MNAT1: variants seen among roughly 807,000 people sequenced by gnomAD.
The protein encoded by MNAT1 is MNAT1 component of CDK activating kinase, also known as CDK-activating kinase assembly factor MAT1.
Under a neutral mutation model 42.0 loss-of-function variants are expected in MNAT1, and 43 were observed. The observed-to-expected ratio is 1.02, with a 90% CI of 0.80 to 1.32. The LOEUF (loss-of-function observed/expected upper bound fraction) is 1.32. MNAT1 is among the 40% of genes most tolerant of loss of function. The probability of loss-of-function intolerance (pLI) is 0.00; values close to 1 mark genes in which losing one functional copy is unlikely to be tolerated. For missense variants in MNAT1, 306 were observed against 350.4 expected, an observed-to-expected ratio of 0.87 and a Z score of 1.01; for synonymous variants, 118 against 120.0, an observed-to-expected ratio of 0.98 and a Z score of 0.11.
intron 1 of MNAT1, among the ~76,000 whole-genome samples, chr14:60,781,898 A>T (rs2031473347): frequency 6.8e-6 from 1 of 147,532 alleles, no homozygotes; most frequent in South Asian, 2.1e-4. Context: ...TTCCACATTG[A>T]TTTGTAATAC....
intron 7 of MNAT1, among the ~76,000 whole-genome samples, chr14:60,904,537 A>G (rs1254898582): frequency 1.3e-5 from 2 of 152,148 alleles, no homozygotes; most frequent in African/African-American, 4.8e-5. Context: ...CAGTTGTCAA[A>G]CAATCTTCTT....
At chr14:60,914,016 G>C (rs982555518) in intron 7 of MNAT1, among the ~76,000 whole-genome samples, 4 of 152,194 alleles carry the variant, frequency 2.6e-5, no homozygotes, top group Admixed American at 2.6e-4. Context: ...ACTCAAGCCT[G>C]AGCAATGGCA....
intron 4 of MNAT1, among the ~76,000 whole-genome samples, chr14:60,810,903 C>G (rs2032521861): frequency 6.6e-6 from 1 of 152,274 alleles, no homozygotes; most frequent in African/African-American, 2.4e-5. Flanking sequence ...TTTAAGACTC[C>G]TATTTCCTTA....
intron 3 of MNAT1, among the ~76,000 whole-genome samples, chr14:60,807,464 A>G (rs913232757): frequency 7.2e-5 from 11 of 152,186 alleles, no homozygotes; most frequent in African/African-American, 2.7e-4. Flanking sequence ...TAATGGATGT[A>G]GAAAGATTAC....
At chr14:60,898,274 CT>C (rs1174555991) in intron 7 of MNAT1, among the ~76,000 whole-genome samples, 1 of 151,874 alleles carries the variant, frequency 6.6e-6, no homozygotes, top group Admixed American at 6.6e-5. Flanking sequence ...ATTTCTTTTC[CT>C]TTGGTTAGAT....
At position 60,747,283 on chromosome 14, in the gene MNAT1, C is replaced by G. The variant is rs983803095; in HGVS notation, c.89+12332C>G. Among the ~76,000 whole-genome samples the G allele has an allele frequency of 2.0e-5, 3 of 152,076 alleles. 1 individual carries two copies. ...ACAGGCGTGAGCCAATGCGCCCTGC[C>G]CAAAATTATGTCTTAATGATGGGTA... On this transcript the variant is annotated intron_variant, in intron 1 of 7. Transcript: ENST00000261245.
intron 6 of MNAT1, among the ~76,000 whole-genome samples, chr14:60,868,665 G>A (rs904119438): frequency 5.3e-5 from 8 of 152,090 alleles, no homozygotes; most frequent in African/African-American, 1.9e-4. Context: ...TCAGTAGGTG[G>A]TTATATTTGT....
At chr14:60,857,216 ATGAAGG>A (rs2033982832) in intron 6 of MNAT1, among the ~76,000 whole-genome samples, 1 of 152,202 alleles carries the variant, frequency 6.6e-6, no homozygotes, top group African/African-American at 2.4e-5. Context: ...GTACGAGGAG[ATGAAGG>A]TTGTTTTCAA....
At chr14:60,814,183 T>C (rs2032641234) in intron 5 of MNAT1, among the ~76,000 whole-genome samples, 1 of 152,170 alleles carries the variant, frequency 6.6e-6, no homozygotes, top group Admixed American at 6.5e-5. Flanking sequence ...ATATATTTTA[T>C]ATTTTTGCAT....
chr14:60,805,745 T>C (rs947242968), intron 3 of MNAT1, among the ~76,000 whole-genome samples: 2 of 152,230 alleles, frequency 1.3e-5, no homozygotes, highest in African/African-American at 4.8e-5. Context: ...GATTTCTTTT[T>C]AGTGCTGAAT....
At chr14:60,819,267 G>A (rs556020677) in intron 6 of MNAT1, among the ~76,000 whole-genome samples, 1 of 152,010 alleles carries the variant, frequency 6.6e-6, no homozygotes, top group South Asian at 2.1e-4. Flanking sequence ...CTAGACTGAT[G>A]AATAGATTAA....
intron 5 of MNAT1, among the ~76,000 whole-genome samples, chr14:60,813,246 C>G (rs2032610393): frequency 6.6e-6 from 1 of 152,176 alleles, no homozygotes; most frequent in African/African-American, 2.4e-5. Flanking sequence ...TGTGTCTGGT[C>G]TGACTGCGGG....
intron 1 of MNAT1, among the ~76,000 whole-genome samples, chr14:60,762,112 A>T (rs747159615): frequency 5.3e-5 from 8 of 152,050 alleles, no homozygotes; most frequent in Non-Finnish European, 7.4e-5. Flanking sequence ...CTATTACATC[A>T]ATCATCTGCT....
At chr14:60,744,387 C>T (rs1212720066) in intron 1 of MNAT1, among the ~76,000 whole-genome samples, 1 of 151,638 alleles carries the variant, frequency 6.6e-6, no homozygotes, top group Admixed American at 6.6e-5. Flanking sequence ...GTGCCTCGGC[C>T]TCCCAAAGTG....
intron 7 of MNAT1, among the ~76,000 whole-genome samples, chr14:60,917,067 T>A (rs2139542209): frequency 6.6e-6 from 1 of 152,330 alleles, no homozygotes; most frequent in South Asian, 2.1e-4. Context: ...TAAAGTATAC[T>A]GTTAATTATG....
intron 6 of MNAT1, among the ~76,000 whole-genome samples, chr14:60,826,979 C>T (rs1037545266): frequency 1.3e-5 from 2 of 151,980 alleles, no homozygotes; most frequent in Non-Finnish European, 2.9e-5. Context: ...CATTGGTCAT[C>T]TCATAAATTA....
At chr14:60,908,502 G>C (rs1472990357) in intron 7 of MNAT1, among the ~76,000 whole-genome samples, 5 of 150,922 alleles carry the variant, frequency 3.3e-5, no homozygotes, top group Admixed American at 2.6e-4. Flanking sequence ...GCCCCGGTGT[G>C]TGATGTTCCC....
intron 7 of MNAT1, among the ~76,000 whole-genome samples, chr14:60,912,129 G>A (rs1288837812): frequency 1.3e-5 from 2 of 152,072 alleles, no homozygotes; most frequent in Admixed American, 6.6e-5. Context: ...TTTTATCAGA[G>A]ACTAGGATTG....
chr14:60,930,364 C>A (rs912712081), intron 7 of MNAT1, among the ~76,000 whole-genome samples: 2 of 151,832 alleles, frequency 1.3e-5, no homozygotes, highest in African/African-American at 4.8e-5. Context: ...TCCCACAATG[C>A]CTTGATGGCA....
Sources: allele counts gnomAD v4.1 joint callset (sites outside exome capture counted in the v4.1 genomes callset), GRCh38; gene constraint gnomAD v4.1.1; transcripts MANE v1.5; gene names NCBI Gene and HGNC (gene_info 2026-07-23, HGNC 2026-07-21).